Variants in SP4 observed in about 807,000 individuals in gnomAD.
SP4 encodes the protein Sp4 transcription factor.
Under a neutral mutation model 72.8 loss-of-function variants are expected in SP4, and 19 were observed. That is an observed-to-expected ratio of 0.26 (90% CI 0.18 to 0.38). SP4 has a LOEUF of 0.38. Ranked by LOEUF, SP4 falls within the 10% of genes least tolerant of loss-of-function variation. SP4 has a pLI of 1.00. For missense variants in SP4, 1,008 were observed against 926.3 expected, an observed-to-expected ratio of 1.09 and a Z score of -1.14; for synonymous variants, 395 against 333.1, an observed-to-expected ratio of 1.19 and a Z score of -2.02.
intron 3 of SP4, among the ~76,000 whole-genome samples, chr7:21,456,700 G>A (rs571693361): frequency 3.3e-5 from 5 of 152,206 alleles, no homozygotes; most frequent in Non-Finnish European, 7.3e-5. Context: ...TTGGGAAAGA[G>A]CCGATTTTAG....
At chr7:21,486,904 T>C (rs565939072) in intron 5 of SP4, among the ~76,000 whole-genome samples, 50 of 152,272 alleles carry the variant, frequency 3.3e-4, no homozygotes, top group Admixed American at 2.2e-3. Flanking sequence ...TTAGAGGAGT[T>C]TGGGGGGCTT....
At chr7:21,472,759 G>A (rs886297850) in intron 3 of SP4, among the ~76,000 whole-genome samples, 1 of 151,186 alleles carries the variant, frequency 6.6e-6, no homozygotes. Context: ...ACAGCAGAGT[G>A]AGACCCCCAT....
At chr7:21,508,406 A>T (rs972264251) in intron 5 of SP4, among the ~76,000 whole-genome samples, 2 of 151,876 alleles carry the variant, frequency 1.3e-5, no homozygotes, top group Non-Finnish European at 1.5e-5. Flanking sequence ...TCTCACTGCA[A>T]CCTCCACCCC....
chr7:21,456,104 G>A (rs1023991798), intron 3 of SP4, among the ~76,000 whole-genome samples: 1 of 152,262 alleles, frequency 6.6e-6, no homozygotes, highest in African/African-American at 2.4e-5. Flanking sequence ...TGGATTTGAG[G>A]GGGCAACATT....
In SP4 at chr7:21,453,487, T is replaced by G. The variant is rs571558780; in HGVS notation, c.1678+22644T>G. On this transcript the variant is annotated intron_variant, in intron 3 of 5. Coordinates refer to ENST00000222584, the MANE Select transcript of SP4 (RefSeq NM_003112.5). ...TTAACTTAACAATTATAATTATTAC[T>G]GATAATGTATGCCTAGTCATATCAG... Among the ~76,000 whole-genome samples, 14 of 152,346 alleles carry G rather than the reference T, an allele frequency of 9.2e-5. 1 individual carries two copies. The South Asian group carries it at 2.9e-3, about 32-fold the overall frequency.
intron 3 of SP4, among the ~76,000 whole-genome samples, chr7:21,467,987 G>T (rs1309687831): frequency 6.6e-6 from 1 of 152,070 alleles, no homozygotes; most frequent in African/African-American, 2.4e-5. Context: ...TTATTTATAG[G>T]TAGATAGATA....
intron 3 of SP4, among the ~76,000 whole-genome samples, chr7:21,431,234 A>G (rs1487150741): frequency 6.6e-6 from 1 of 152,182 alleles, no homozygotes. Context: ...ATTGGTATAT[A>G]TAATTGTGAG....
intron 5 of SP4, among the ~76,000 whole-genome samples, chr7:21,504,826 C>T (rs891836639): frequency 1.3e-5 from 2 of 152,218 alleles, no homozygotes; most frequent in Non-Finnish European, 2.9e-5. Context: ...TTCTACTCTC[C>T]TACCAGCAGG....
intron 3 of SP4, among the ~76,000 whole-genome samples, chr7:21,445,701 A>G (rs1238643227): frequency 6.6e-6 from 1 of 152,184 alleles, no homozygotes; most frequent in Admixed American, 6.5e-5. Flanking sequence ...GAATTGATAC[A>G]TGGCGGGTGT....
intron 3 of SP4, among the ~76,000 whole-genome samples, chr7:21,472,783 A>AAT (rs1554298432): frequency 6.6e-6 from 1 of 151,822 alleles, no homozygotes; most frequent in African/African-American, 2.4e-5. Flanking sequence ...TTAAAAAAAA[A>AAT]GAAAAAAAAA....
chr7:21,466,919 G>A (rs1217528604), intron 3 of SP4, among the ~76,000 whole-genome samples: 2 of 151,754 alleles, frequency 1.3e-5, no homozygotes, highest in African/African-American at 4.8e-5. Context: ...TATAGTTTCT[G>A]TTTTTGTGGA....
chr7:21,484,412 A>C (rs1784761920), intron 5 of SP4, among the ~76,000 whole-genome samples: 1 of 151,932 alleles, frequency 6.6e-6, no homozygotes, highest in African/African-American at 2.4e-5. Context: ...ACACTCAAAA[A>C]GTTTCAGATT....
intron 3 of SP4, among the ~76,000 whole-genome samples, chr7:21,441,664 G>C (rs550085613): frequency 3.3e-5 from 5 of 152,304 alleles, no homozygotes; most frequent in African/African-American, 1.2e-4. Flanking sequence ...GGATGTTGTT[G>C]CAGTAATTTA....
chr7:21,444,666 G>T (rs73682382), intron 3 of SP4, among the ~76,000 whole-genome samples: 471 of 152,210 alleles, frequency 3.1e-3, no homozygotes, highest in African/African-American at 0.01. Context: ...AGCACTTTAT[G>T]TGTATTAACT....
chr7:21,470,778 A>G (rs1425563862), intron 3 of SP4, among the ~76,000 whole-genome samples: 1 of 151,796 alleles, frequency 6.6e-6, no homozygotes, highest in Non-Finnish European at 1.5e-5. Context: ...AAGCAGAACA[A>G]AAAAGGAATA....
intron 3 of SP4, among the ~76,000 whole-genome samples, chr7:21,432,482 G>T (rs1486411293): frequency 6.6e-6 from 1 of 152,204 alleles, no homozygotes; most frequent in Non-Finnish European, 1.5e-5. Flanking sequence ...TAGGTTAGAA[G>T]TAATCAATTT....
chr7:21,481,321 T>A (rs1005319246), intron 4 of SP4, among the ~76,000 whole-genome samples: 1 of 152,186 alleles, frequency 6.6e-6, no homozygotes, highest in Admixed American at 6.5e-5. Context: ...CAGTCTCTAA[T>A]GTTCCTGTGT....
intron 5 of SP4, among the ~76,000 whole-genome samples, chr7:21,491,291 C>T (rs769426662): frequency 2.4e-4 from 36 of 152,104 alleles, no homozygotes; most frequent in Admixed American, 1.4e-3. Context: ...ATCAGATGCT[C>T]AGTAGCTAAG....
chr7:21,497,227 C>T (rs1781733646), intron 5 of SP4, among the ~76,000 whole-genome samples: 1 of 152,182 alleles, frequency 6.6e-6, no homozygotes, highest in South Asian at 2.1e-4. Flanking sequence ...GTGGAGTCTT[C>T]AGGGAATGAT....
Sources: allele counts gnomAD v4.1 joint callset (sites outside exome capture counted in the v4.1 genomes callset), GRCh38; gene constraint gnomAD v4.1.1; transcripts MANE v1.5; gene names NCBI Gene and HGNC (gene_info 2026-07-23, HGNC 2026-07-21).